NRG3: variants seen among roughly 807,000 people sequenced by gnomAD.
The protein encoded by NRG3 is pro-neuregulin-3, membrane-bound isoform.
NRG3 carries 31 observed loss-of-function variants against 66.9 expected under a neutral mutation model. The ratio of observed to expected loss-of-function variants is 0.46; its 90% CI spans 0.35 to 0.63. The LOEUF is 0.63. Among genes scored for constraint, NRG3 ranks in the 20% least tolerant of loss-of-function variants. The pLI is 0.00. For synonymous variants in NRG3, 393 were observed against 359.4 expected, an observed-to-expected ratio of 1.09 and a Z score of -1.06; for missense variants, 910 against 878.9, an observed-to-expected ratio of 1.04 and a Z score of -0.45.
rs115799691 is a variant in NRG3, at chr10:82,164,664, T to G, written c.824-194075T>G. On this transcript the variant is annotated intron_variant, in intron 1 of 8. Coordinates refer to ENST00000372141, the MANE Select transcript of NRG3 (RefSeq NM_001010848.4). ...AGGGGGGAGATTTGGAGTCAAGAGATGGCAGTACTTGGCTGAAGGTTGGTA... is the reference window on the plus strand; with the variant it reads ...AGGGGGGAGATTTGGAGTCAAGAGAGGGCAGTACTTGGCTGAAGGTTGGTA... Among the ~76,000 whole-genome samples, 1,475 of 152,180 alleles carry G rather than the reference T, an allele frequency of 9.7e-3. 28 individuals are homozygous for G. The highest frequency in any genetic ancestry group is 0.034 in the African/African-American group (1,430 of 41,494).
intron 1 of NRG3, among the ~76,000 whole-genome samples, chr10:82,220,959 G>A (rs2075912338): frequency 6.6e-6 from 1 of 152,244 alleles, no homozygotes; most frequent in South Asian, 2.1e-4. Context: ...ATGCCAGCCT[G>A]GGTGACAGAA....
intron 2 of NRG3, among the ~76,000 whole-genome samples, chr10:82,551,206 A>T (rs1374617658): frequency 1.3e-5 from 2 of 152,182 alleles, no homozygotes; most frequent in Non-Finnish European, 2.9e-5. Flanking sequence ...GATAAATGGA[A>T]TGCTTACTAA....
intron 2 of NRG3, among the ~76,000 whole-genome samples, chr10:82,634,858 G>A (rs938770485): frequency 6.6e-6 from 1 of 152,250 alleles, no homozygotes; most frequent in East Asian, 1.9e-4. Flanking sequence ...ATAAATTGTA[G>A]GGGTAGAAGA....
At chr10:82,279,452 A>C (rs1176177685) in intron 1 of NRG3, among the ~76,000 whole-genome samples, 2 of 152,216 alleles carry the variant, frequency 1.3e-5, no homozygotes, top group East Asian at 3.9e-4. Context: ...GCATTTATCT[A>C]AATAATGTTT....
chr10:82,916,725 C>T (rs942095746), intron 4 of NRG3, among the ~76,000 whole-genome samples: 1 of 151,962 alleles, frequency 6.6e-6, no homozygotes, highest in Non-Finnish European at 1.5e-5. Context: ...AAGCGATTCT[C>T]CTGCTTCAGC....
At chr10:82,748,285 A>G (rs1407676527) in intron 3 of NRG3, among the ~76,000 whole-genome samples, 3 of 151,780 alleles carry the variant, frequency 2.0e-5, no homozygotes, top group Non-Finnish European at 4.4e-5. Context: ...CAACCAATAT[A>G]TGATATTAAA....
chr10:82,909,821 A>G (rs910666176), intron 4 of NRG3, among the ~76,000 whole-genome samples: 1 of 152,240 alleles, frequency 6.6e-6, no homozygotes, highest in Non-Finnish European at 1.5e-5. Context: ...TTAATTTAGA[A>G]CACAGAAAGT....
At chr10:82,345,158 T>G (rs2082930737) in intron 1 of NRG3, among the ~76,000 whole-genome samples, 1 of 142,898 alleles carries the variant, frequency 7.0e-6, no homozygotes, top group Non-Finnish European at 1.5e-5. Flanking sequence ...TCCTGAATGG[T>G]AATGCCTAGG....
chr10:82,866,567 CAGG>C (rs1840761244), intron 4 of NRG3, among the ~76,000 whole-genome samples: 1 of 152,118 alleles, frequency 6.6e-6, no homozygotes, highest in East Asian at 1.9e-4. Context: ...TCAATTCCTG[CAGG>C]CTTGCGGTTT....
intron 1 of NRG3, among the ~76,000 whole-genome samples, chr10:82,129,335 A>G (rs2068663514): frequency 6.6e-6 from 1 of 152,128 alleles, no homozygotes; most frequent in Non-Finnish European, 1.5e-5. Flanking sequence ...TTTTTATTAC[A>G]TGCATGGTTA....
At chr10:82,112,384 T>C (rs1177716471) in intron 1 of NRG3, among the ~76,000 whole-genome samples, 1 of 152,106 alleles carries the variant, frequency 6.6e-6, no homozygotes, top group Non-Finnish European at 1.5e-5. Context: ...GTGGGGTTAT[T>C]CTTTTTTTAG....
At chr10:82,800,421 T>C (rs529058896) in intron 3 of NRG3, among the ~76,000 whole-genome samples, 19 of 152,128 alleles carry the variant, frequency 1.2e-4, no homozygotes, top group African/African-American at 4.3e-4. Flanking sequence ...ACCACTAACA[T>C]TGACTTAGCT....
chr10:82,016,371 C>T (rs2061787454), intron 1 of NRG3, among the ~76,000 whole-genome samples: 2 of 151,836 alleles, frequency 1.3e-5, no homozygotes, highest in South Asian at 4.2e-4. Context: ...AAGGAGGTTG[C>T]AAACAGAACC....
At chr10:82,909,884 G>A (rs887943192) in intron 4 of NRG3, among the ~76,000 whole-genome samples, 1 of 152,196 alleles carries the variant, frequency 6.6e-6, no homozygotes, top group Non-Finnish European at 1.5e-5. Flanking sequence ...TCTTACAGAA[G>A]TGTATGATGG....
intron 2 of NRG3, among the ~76,000 whole-genome samples, chr10:82,414,074 A>C (rs181010342): frequency 1.3e-5 from 2 of 152,222 alleles, no homozygotes; most frequent in East Asian, 1.9e-4. Flanking sequence ...TTGCATTCAC[A>C]ACTTGGCTCA....
intron 1 of NRG3, among the ~76,000 whole-genome samples, chr10:82,271,757 T>TAAGTAAGA (rs2078609455): frequency 6.6e-5 from 10 of 152,118 alleles, no homozygotes; most frequent in African/African-American, 2.2e-4. Flanking sequence ...AGAAACAGCA[T>TAAGTAAGA]GAATATTACT....
chr10:82,648,492 C>T (rs1286965375), intron 2 of NRG3, among the ~76,000 whole-genome samples: 3 of 152,122 alleles, frequency 2.0e-5, no homozygotes, highest in African/African-American at 7.2e-5. Flanking sequence ...GTTGCGGGCT[C>T]TTTTTTGGTT....
At chr10:82,370,249 G>A (rs1322386409) in intron 2 of NRG3, among the ~76,000 whole-genome samples, 2 of 138,130 alleles carry the variant, frequency 1.4e-5, no homozygotes, top group East Asian at 2.2e-4. Context: ...GAGTGGTGGA[G>A]GTGGCTCTCA....
chr10:81,946,585 G>A (rs1848860157), intron 1 of NRG3, among the ~76,000 whole-genome samples: 1 of 152,078 alleles, frequency 6.6e-6, no homozygotes, highest in Admixed American at 6.6e-5. Flanking sequence ...TTGGTTTTCT[G>A]TAATCTGATT....
Sources: allele counts gnomAD v4.1 joint callset (sites outside exome capture counted in the v4.1 genomes callset), GRCh38; gene constraint gnomAD v4.1.1; transcripts MANE v1.5; gene names NCBI Gene and HGNC (gene_info 2026-07-23, HGNC 2026-07-21).